The following CEP192 variants were observed in gnomAD, a reference collection of about 807,000 sequenced individuals.
CEP192 encodes centrosomal protein 192.
In CEP192, 151 loss-of-function variants were observed where a neutral mutation model predicts 271.8. The ratio of observed to expected loss-of-function variants is 0.56; its 90% CI spans 0.49 to 0.64. The LOEUF (loss-of-function observed/expected upper bound fraction) is 0.64, where lower values mean the gene tolerates loss of function less well. Among genes scored for constraint, CEP192 ranks in the 30% least tolerant of loss-of-function variants. CEP192 has a pLI of 0.00. For synonymous variants in CEP192, 995 were observed against 1,076.5 expected, an observed-to-expected ratio of 0.92 and a Z score of 1.48; for missense variants, 2,910 against 3,020.5, an observed-to-expected ratio of 0.96 and a Z score of 0.86.
intron 36 of CEP192, among the ~76,000 whole-genome samples, chr18:13,096,826 G>A (rs2039424682): frequency 6.6e-6 from 1 of 152,166 alleles, no homozygotes; most frequent in Non-Finnish European, 1.5e-5. Flanking sequence ...TTCTAGGACA[G>A]AAGGAAGTCT....
rs2037277734 is a variant in CEP192, at chr18:13,059,205, A to C, written c.4381A>C (p.Ser1461Arg). 3.1e-6 allele frequency: 5 copies of C among 1,614,054 alleles called. No homozygotes were observed. Among genetic ancestry groups the C allele is most frequent in the Middle Eastern group, 1.6e-4 (1 of 6,084 alleles). Reference sequence around the variant, plus strand: ...TCCTGGGGTTTTCAGATGCACATTCAGTGTTGCTTCTTGGCCATGTTCGAC... The same window carrying C: ...TCCTGGGGTTTTCAGATGCACATTCCGTGTTGCTTCTTGGCCATGTTCGAC... ...SSPGVFRCTF[S>R]VASWPCSTDA... The change falls in exon 21 of 45, where the codon AGT becomes CGT. Residue 1461 changes from serine to arginine, a missense_variant. Physicochemically the swap from Ser to Arg is moderately radical, Grantham distance 110. Transcript: ENST00000506447.
chr18:13,093,617 G>A (rs556783402), intron 34 of CEP192, among the ~76,000 whole-genome samples: 1 of 152,308 alleles, frequency 6.6e-6, no homozygotes, highest in Admixed American at 6.5e-5. Context: ...TAATACTTGA[G>A]CTCTTGTTCA....
chr18:13,069,683 G>C lies in CEP192; in HGVS notation c.5056-55G>C, dbSNP rs548263391. The C allele has an allele frequency of 1.3e-4, 132 of 1,055,858 alleles. No individual in the cohort carries two copies. In the Admixed American group the frequency reaches 2.4e-3, roughly 19 times the overall value. The allele number at this position is 1,055,858 out of a possible 1,614,324, so 65.4% of individuals were successfully genotyped here. On this transcript the variant is annotated intron_variant, in intron 26 of 44. Transcript: ENST00000506447. ...GCACGTAAGGCAGGAGCCACTGAGCGAAAACTGCGTTTTTGTAAGTCGGCA... is the reference window on the plus strand; with the variant it reads ...GCACGTAAGGCAGGAGCCACTGAGCCAAAACTGCGTTTTTGTAAGTCGGCA...
intron 3 of CEP192, among the ~76,000 whole-genome samples, chr18:13,005,167 G>C (rs1471447728): frequency 6.6e-6 from 1 of 152,172 alleles, no homozygotes; most frequent in East Asian, 1.9e-4. Context: ...TGGGAGAGAT[G>C]AGGGTCCCCA....
chr18:13,106,677 C>T (rs1008895287), intron 40 of CEP192, among the ~76,000 whole-genome samples: 4 of 151,614 alleles, frequency 2.6e-5, no homozygotes, highest in Non-Finnish European at 5.9e-5. Flanking sequence ...CCACCACCAC[C>T]GCCACCACTC....
intron 44 of CEP192, among the ~76,000 whole-genome samples, chr18:13,122,767 G>A (rs1180808008): frequency 6.6e-6 from 1 of 152,116 alleles, no homozygotes; most frequent in East Asian, 1.9e-4. Context: ...TCTATCATTA[G>A]CTAGAGAGAG....
At chr18:13,114,450 C>T (rs2040344015) in intron 42 of CEP192, among the ~76,000 whole-genome samples, 199 bp downstream of exon 42, 1 of 152,158 alleles carries the variant, frequency 6.6e-6, no homozygotes, top group Non-Finnish European at 1.5e-5. Flanking sequence ...TTTCTGTCAT[C>T]ATAGATTCAT....
chr18:13,106,589 A>G (rs1406243934), intron 40 of CEP192, among the ~76,000 whole-genome samples: 2 of 149,196 alleles, frequency 1.3e-5, no homozygotes, highest in Non-Finnish European at 3.0e-5. Flanking sequence ...CACAGCTACC[A>G]CCACCACCAC....
intron 44 of CEP192, among the ~76,000 whole-genome samples, chr18:13,118,405 C>T (rs1228429606): frequency 2.6e-5 from 4 of 152,216 alleles, no homozygotes; most frequent in East Asian, 1.9e-4. Flanking sequence ...CTAAGACCAG[C>T]GGTGCTGTAC....
chr18:13,095,340 T>A (rs1048901282), intron 34 of CEP192, among the ~76,000 whole-genome samples, 163 bp from the exon 35 acceptor site: 2 of 152,216 alleles, frequency 1.3e-5, no homozygotes, highest in Non-Finnish European at 2.9e-5. Flanking sequence ...GAATAACTTT[T>A]ATTCACTAAA....
chr18:12,999,633 A>T, intron 2 of CEP192, 45 bp downstream of exon 2: 1 of 1,358,298 alleles, frequency 7.4e-7, no homozygotes, highest in Non-Finnish European at 9.8e-7. Context: ...CATAAAGCCT[A>T]TAGCATGCTG....
chr18:13,121,874 C>T (rs2040677239), intron 44 of CEP192, among the ~76,000 whole-genome samples: 1 of 152,360 alleles, frequency 6.6e-6, no homozygotes, highest in East Asian at 1.9e-4. Context: ...CATTGAGCTG[C>T]AGTGACTTCT....
chr18:13,021,535 G>T (rs912003777), intron 9 of CEP192, among the ~76,000 whole-genome samples: 2 of 152,206 alleles, frequency 1.3e-5, no homozygotes, highest in African/African-American at 4.8e-5. Context: ...ATTGGGAAGT[G>T]TTAGTCCTTC....
intron 9 of CEP192, 142 bp from the exon 10 acceptor site, chr18:13,029,521 C>A: frequency 1.7e-6 from 1 of 603,460 alleles, no homozygotes; most frequent in Non-Finnish European, 2.9e-6. Context: ...GTCTAGAATA[C>A]AGCGAATACT....
chr18:13,056,338 C>A lies in CEP192; in HGVS notation c.3748C>A (p.Leu1250Ile). The change falls in exon 19 of 45, where the codon CTC becomes ATC. Residue 1250 changes from leucine to isoleucine, a missense_variant. Leu to Ile is a conservative substitution (Grantham distance 5). Coordinates refer to ENST00000506447, the MANE Select transcript of CEP192 (RefSeq NM_032142.4). ...MQNMPAAVHA[L>I]LTQPSLSAAP... ...GAACATGCCTGCTGCTGTGCACGCA[C>A]TCTTGACACAACCCTCTCTCAGCGC... 6.2e-7 allele frequency: 1 copy of A among 1,614,226 alleles called. No individual in the cohort carries two copies. The highest frequency in any genetic ancestry group is 1.7e-5 in the Admixed American group (1 of 60,034).
At chr18:13,114,340 T>C in intron 42 of CEP192, 89 bp downstream of exon 42, 1 of 1,370,636 alleles carries the variant, frequency 7.3e-7, no homozygotes, top group Non-Finnish European at 1.0e-6. Context: ...TTTACCTGAG[T>C]TCACATGTGT....
Position 13,069,127 on chromosome 18 carries a change from G to T in CEP192, c.5001G>T (p.Lys1667Asn). 3 of 1,614,178 alleles carry T rather than the reference G, an allele frequency of 1.9e-6. No individual in the cohort carries two copies. The East Asian group carries it at 6.7e-5, about 36-fold the overall frequency. ...TGGCCAAAGTGGCTTCCTCAAGAAAGCAGCACTTACCTTTGAAAAATGCTG... is the reference window on the plus strand; with the variant it reads ...TGGCCAAAGTGGCTTCCTCAAGAAATCAGCACTTACCTTTGAAAAATGCTG... ...HFLAKVASSR[K>N]QHLPLKNAGN... Residue 1667 changes from lysine (K) to asparagine (N), a missense_variant, in exon 26 of 45, where the codon AAG becomes AAT. Coordinates refer to ENST00000506447, the MANE Select transcript of CEP192 (RefSeq NM_032142.4).
Position 13,087,661 on chromosome 18 carries a change from T to A in CEP192, c.5993+15T>A. 7.6e-7 allele frequency: 1 copy of A among 1,310,642 alleles called. No individual in the cohort carries two copies. The highest frequency in any genetic ancestry group is 1.1e-6 in the Non-Finnish European group (1 of 939,722). The allele number at this position is 1,310,642 out of a possible 1,614,324, so 81.2% of individuals were successfully genotyped here. ...CAGTATCGCAGGTAGATTACTTATCTTACACAATGTTGGGAACCATTCAGC... is the reference window on the plus strand; with the variant it reads ...CAGTATCGCAGGTAGATTACTTATCATACACAATGTTGGGAACCATTCAGC... On this transcript the variant is annotated intron_variant, in intron 32 of 44. Transcript: ENST00000506447.
rs766340859 is a variant in CEP192 at position 13,048,964 on chromosome 18, G to A, written c.2173G>A (p.Ala725Thr). The A allele has an allele frequency of 1.6e-5, 26 of 1,613,756 alleles. No individual in the cohort carries two copies. The South Asian group carries it at 2.5e-4, about 16-fold the overall frequency. The change falls in exon 16 of 45, where the codon GCA becomes ACA. Residue 725 changes from alanine to threonine, a missense_variant. Ala to Thr is a moderately conservative substitution (Grantham distance 58). Transcript: ENST00000506447. ...ISTIASAIAE[A>T]SVNTDPSQLA... is the part of the protein sequence containing the mutation. ...CACCATTGCTTCAGCCATTGCAGAG[G>A]CATCAGTTAATACTGATCCTTCCCA...
Sources: allele counts gnomAD v4.1 joint callset (sites outside exome capture counted in the v4.1 genomes callset), GRCh38; gene constraint gnomAD v4.1.1; transcripts MANE v1.5; gene names NCBI Gene and HGNC (gene_info 2026-07-23, HGNC 2026-07-21).